Variants in RBMS3 observed in about 807,000 individuals in gnomAD.
RBMS3 encodes RNA-binding motif, single-stranded-interacting protein 3.
In RBMS3, 27 loss-of-function variants were observed where a neutral mutation model predicts 66.8. The observed-to-expected ratio is 0.40, with a 90% CI of 0.30 to 0.56. The LOEUF (loss-of-function observed/expected upper bound fraction) is 0.56. RBMS3 is among the 20% of genes least tolerant of loss of function. The pLI, the probability that RBMS3 is intolerant of heterozygous loss-of-function variation, is 0.40. For missense variants in RBMS3, 513 were observed against 549.5 expected, an observed-to-expected ratio of 0.93 and a Z score of 0.66; for synonymous variants, 188 against 183.0, an observed-to-expected ratio of 1.03 and a Z score of -0.22.
intron 1 of RBMS3, among the ~76,000 whole-genome samples, chr3:29,412,739 C>T (rs2040316252): frequency 6.6e-6 from 1 of 152,146 alleles, no homozygotes; most frequent in African/African-American, 2.4e-5. Flanking sequence ...GAAATATCTA[C>T]TGAAGGACAA....
chr3:29,440,985 A>G (rs1330475714), intron 2 of RBMS3, among the ~76,000 whole-genome samples: 1 of 152,188 alleles, frequency 6.6e-6, no homozygotes, highest in African/African-American at 2.4e-5. Flanking sequence ...GTGACTGGAA[A>G]TTTTTAGAGT....
chr3:29,491,195 A>C (rs1222020799), intron 3 of RBMS3, among the ~76,000 whole-genome samples: 2 of 152,230 alleles, frequency 1.3e-5, no homozygotes, highest in Non-Finnish European at 2.9e-5. Flanking sequence ...GTGGGTGCTT[A>C]TCAGGACAAA....
At chr3:29,737,558 GT>G (rs1170152014) in intron 4 of RBMS3, among the ~76,000 whole-genome samples, 1 of 152,092 alleles carries the variant, frequency 6.6e-6, no homozygotes, top group Non-Finnish European at 1.5e-5. Flanking sequence ...AGTAAGTGTA[GT>G]AATATTTGCC....
intron 8 of RBMS3, among the ~76,000 whole-genome samples, chr3:29,895,961 G>T (rs1003465386): frequency 1.3e-5 from 2 of 151,128 alleles, no homozygotes; most frequent in Admixed American, 1.3e-4. Flanking sequence ...TGTATAGTCA[G>T]TGGCTTCTTT....
At chr3:29,473,968 G>A (rs1559391076) in intron 2 of RBMS3, among the ~76,000 whole-genome samples, 1 of 152,238 alleles carries the variant, frequency 6.6e-6, no homozygotes, top group African/African-American at 2.4e-5. Context: ...GTGGTGGGCT[G>A]AAGAGCTCCT....
intron 6 of RBMS3, among the ~76,000 whole-genome samples, chr3:29,832,217 A>T (rs1247764891): frequency 1.3e-5 from 2 of 152,226 alleles, no homozygotes; most frequent in African/African-American, 4.8e-5. Context: ...AAAGACACAT[A>T]CAAAGAGAGA....
chr3:29,977,634 C>T (rs547895041), intron 12 of RBMS3, among the ~76,000 whole-genome samples: 1 of 152,084 alleles, frequency 6.6e-6, no homozygotes, highest in Non-Finnish European at 1.5e-5. Flanking sequence ...TTATTCAGTG[C>T]TCCTACACAT....
chr3:29,324,538 G>A (rs570699578), intron 1 of RBMS3, among the ~76,000 whole-genome samples: 52 of 152,246 alleles, frequency 3.4e-4, no homozygotes, highest in Non-Finnish European at 6.2e-4. Context: ...ATGTTTGGCC[G>A]TGGAATTTAT....
chr3:29,339,487 A>G (rs2036154890), intron 1 of RBMS3, among the ~76,000 whole-genome samples: 1 of 152,110 alleles, frequency 6.6e-6, no homozygotes, highest in African/African-American at 2.4e-5. Flanking sequence ...GTCATTAATC[A>G]TGATTATTAA....
intron 11 of RBMS3, among the ~76,000 whole-genome samples, chr3:29,943,331 G>C (rs1379192284): frequency 6.6e-6 from 1 of 151,824 alleles, no homozygotes; most frequent in Non-Finnish European, 1.5e-5. Context: ...CCCTCCAAGG[G>C]GAGTGGGGAC....
At chr3:29,810,828 G>T (rs9866531) in intron 6 of RBMS3, among the ~76,000 whole-genome samples, 2 of 151,884 alleles carry the variant, frequency 1.3e-5, no homozygotes, top group African/African-American at 2.4e-5. Flanking sequence ...GTTACATTTT[G>T]TTTTTACAAC....
chr3:30,002,675 G>T (rs1056417538), intron 14 of RBMS3, among the ~76,000 whole-genome samples: 2 of 151,808 alleles, frequency 1.3e-5, no homozygotes, highest in Non-Finnish European at 2.9e-5. Flanking sequence ...TTGAATATTC[G>T]ATCTCTCAAC....
At chr3:29,720,106 G>A (rs931846172) in intron 4 of RBMS3, among the ~76,000 whole-genome samples, 3 of 151,910 alleles carry the variant, frequency 2.0e-5, no homozygotes, top group South Asian at 4.2e-4. Context: ...GCCATTACCC[G>A]CTAGCTCCCT....
intron 4 of RBMS3, among the ~76,000 whole-genome samples, chr3:29,654,766 T>TGG (rs2050268669): frequency 5.4e-5 from 5 of 93,374 alleles, no homozygotes; most frequent in African/African-American, 2.1e-4. Context: ...ATTTTTGCGT[T>TGG]TTTTTTTTTT....
intron 2 of RBMS3, among the ~76,000 whole-genome samples, chr3:29,445,584 T>A (rs17023509): frequency 0.045 from 6,887 of 152,112 alleles, 493 homozygotes; most frequent in African/African-American, 0.15. Flanking sequence ...AATCTTTGAC[T>A]TTTAGGGGCA....
Position 29,555,952 on chromosome 3 carries a change from A to C in RBMS3, c.308-31162A>C, listed in dbSNP as rs74663171. On this transcript the variant is annotated intron_variant, in intron 3 of 14. Transcript: ENST00000383767. ...TATATTACCTGCTACGGCTAAATCGAATGCTTGATAAAATATAAGAAAGCT... is the reference window on the plus strand; with the variant it reads ...TATATTACCTGCTACGGCTAAATCGCATGCTTGATAAAATATAAGAAAGCT... 6.2e-3 allele frequency among the ~76,000 whole-genome samples: 948 copies of C among 152,304 alleles called. 28 individuals carry two copies. Among genetic ancestry groups the C allele is most frequent in the Admixed American group, 0.055 (836 of 15,280 alleles).
chr3:29,600,024 C>A (rs2048090726), intron 4 of RBMS3, among the ~76,000 whole-genome samples: 1 of 151,768 alleles, frequency 6.6e-6, no homozygotes. Context: ...AAATAAAAAA[C>A]CAAGATACTA....
rs1419507430 is a variant in RBMS3 at position 29,971,621 on chromosome 3, CTTAATTAT to C, written c.1099-16520_1099-16513del. On this transcript the variant is annotated intron_variant, in intron 12 of 14. Transcript: ENST00000383767. ...AACCTTAAGCTTTTTACCCAGAGTG[CTTAATTAT>C]TCATTCACTCACTCATTCATTCATT... Among the ~76,000 whole-genome samples the C allele has an allele frequency of 8.5e-5, 13 of 152,136 alleles. No homozygotes were observed. The South Asian group carries it at 2.1e-3, about 24-fold the overall frequency.
At chr3:29,578,569 A>ATGAGTATAAATTAGGAAGTGCACAATTGT (rs2047203477) in intron 3 of RBMS3, among the ~76,000 whole-genome samples, 1 of 152,006 alleles carries the variant, frequency 6.6e-6, no homozygotes, top group East Asian at 1.9e-4. Flanking sequence ...TCAATCAAAT[A>ATGAGTATAAATTAGGAAGTGCACAATTGT]TGAGTATAAA....
Sources: allele counts gnomAD v4.1 joint callset (sites outside exome capture counted in the v4.1 genomes callset), GRCh38; gene constraint gnomAD v4.1.1; transcripts MANE v1.5; gene names NCBI Gene and HGNC (gene_info 2026-07-23, HGNC 2026-07-21).